The following IRX2 variants were observed in gnomAD, a reference collection of about 807,000 sequenced individuals.
IRX2 encodes the protein iroquois-class homeodomain protein IRX-2.
A neutral mutation model predicts 42.9 loss-of-function variants in IRX2; 26 were observed. The ratio of observed to expected loss-of-function variants is 0.61; its 90% confidence interval spans 0.44 to 0.84. The LOEUF (loss-of-function observed/expected upper bound fraction) is 0.84, where lower values mean the gene tolerates loss of function less well. Among genes scored for constraint, IRX2 ranks in the 40% least tolerant of loss-of-function variants. IRX2 has a pLI of 0.00. For synonymous variants in IRX2, 424 were observed against 353.9 expected, an observed-to-expected ratio of 1.20 and a Z score of -2.22; for missense variants, 782 against 713.9, an observed-to-expected ratio of 1.10 and a Z score of -1.09.
At position 2,749,009 on chromosome 5, in the gene IRX2, C is replaced by G. The variant is rs771883170; in HGVS notation, c.699G>C (p.Ser233=). ...HVDSLTDHSC[S]AESDGEKLPC... The stretch of plus-strand genomic sequence containing the variant: ...GAAGCTTCTCCCCGTCCGACTCGGC[C>G]GAGCACGAGTGATCCGTGAGCGAGT... Residue 233 remains serine (S), a synonymous_variant, in exon 3 of 4, where the codon TCG becomes TCC. Transcript: ENST00000302057. The G allele has an allele frequency of 6.9e-6, 11 of 1,597,324 alleles. No individual in the cohort carries two copies. Among genetic ancestry groups the G allele is most frequent in the Non-Finnish European group, 9.3e-6 (11 of 1,179,376 alleles).
At position 2,749,586 on chromosome 5, in the gene IRX2, C is replaced by G; in HGVS notation, c.451G>C (p.Ala151Pro). Residue 151 changes from alanine to proline, a missense_variant, in exon 2 of 4, where the codon GCC (alanine) becomes CCC (proline). By Grantham distance (27) the Ala-to-Pro change is conservative. Around this residue, in one of 3 missense-constraint regions of IRX2, gnomAD observed 256 missense variants for 250.0 expected, o/e 1.02. Transcript: ENST00000302057. ...YPTKGEKIML[A>P]IITKMTLTQV... ...GTGAGGGTCATCTTGGTGATGATGG[C>G]TAGCATGATCTTCTCGCCCTTGGTG... The G allele has an allele frequency of 1.2e-6, 2 of 1,614,212 alleles. No homozygotes were observed. The highest frequency in any genetic ancestry group is 1.7e-6 in the Non-Finnish European group (2 of 1,180,038).
chr5:2,750,135 A>G (rs1183048731), intron 1 of IRX2, among the ~76,000 whole-genome samples: 3 of 152,080 alleles, frequency 2.0e-5, no homozygotes, highest in Admixed American at 2.0e-4. Context: ...AAATTTCTGC[A>G]GATGCTTGGA....
At chr5:2,750,548 C>T (rs1435973926) in intron 1 of IRX2, among the ~76,000 whole-genome samples, 1 of 152,232 alleles carries the variant, frequency 6.6e-6, no homozygotes, top group Non-Finnish European at 1.5e-5. Context: ...CCACGGAGGA[C>T]TCAGGCGGCC....
In IRX2 at chr5:2,751,550, T is replaced by G; in HGVS notation, c.-137A>C. On this transcript the variant is annotated 5_prime_UTR_variant, in exon 1 of 4. Transcript: ENST00000302057. The surrounding 1 kb of genome is among the most constrained non-coding windows in gnomAD (Gnocchi z 4.0). ...GGCGGAGGCAGGCCGGCCCGGGTAC[T>G]AGCCTGGGCGGCCCGCGGGCCGGGG... 2.3e-6 allele frequency: 1 copy of G among 431,214 alleles called. No individual in the cohort carries two copies. Among genetic ancestry groups the G allele is most frequent in the Non-Finnish European group, 3.0e-6 (1 of 329,124 alleles). 26.7% of individuals were successfully genotyped at this position (431,214 alleles called of 1,614,324 possible).
intron 2 of IRX2, 59 bp downstream of exon 2, chr5:2,749,323 C>T (rs1434208673): frequency 6.5e-7 from 1 of 1,537,790 alleles, no homozygotes; most frequent in Admixed American, 2.1e-5. Context: ...CGCCTTAGCT[C>T]TGCGCCCCGC....
downstream of IRX2, among the ~76,000 whole-genome samples, chr5:2,742,856 T>C (rs1474107927): frequency 6.6e-6 from 1 of 152,212 alleles, no homozygotes; most frequent in Non-Finnish European, 1.5e-5. Context: ...AGTGGTAGTT[T>C]AGTATGTACA....
At position 2,747,245 on chromosome 5, in the gene IRX2, T is replaced by G. The variant is rs997868030; in HGVS notation, c.*319A>C. On this transcript the variant is annotated 3_prime_UTR_variant, in exon 4 of 4. Coordinates refer to ENST00000302057, the MANE Select transcript of IRX2 (RefSeq NM_033267.5). ...GTAGTGTGTAATATATATATACACA[T>G]GTACTATATATATACATGTACTATA... The G allele has an allele frequency of 1.8e-5, 3 of 167,194 alleles. No homozygotes were observed. Among genetic ancestry groups the G allele is most frequent in the Non-Finnish European group, 2.6e-5 (2 of 78,246 alleles). The allele number at this position is 167,194 out of a possible 1,614,324, so 10.4% of individuals were successfully genotyped here. A position where few individuals can be genotyped will look rare whatever the true frequency, so the allele number is the denominator to read the frequency against.
rs1193372697 is a variant in IRX2 at position 2,751,291 on chromosome 5, C to G, written c.123G>C (p.Ser41=). 30 of 1,431,924 alleles carry G rather than the reference C, an allele frequency of 2.1e-5. No homozygotes were observed. The highest frequency in any genetic ancestry group is 2.7e-5 in the Non-Finnish European group (29 of 1,093,010). 88.7% of individuals were successfully genotyped at this position (1,431,924 alleles called of 1,614,324 possible). A position where few individuals can be genotyped will look rare whatever the true frequency, so the allele number is the denominator to read the frequency against. Residue 41 remains serine (S), a synonymous_variant, in exon 1 of 4, where the codon TCG becomes TCC. Coordinates refer to ENST00000302057, the MANE Select transcript of IRX2 (RefSeq NM_033267.5). The surrounding 1 kb of genome is among the most constrained non-coding windows in gnomAD (Gnocchi z 4.0). ...CCGGGTAGGGGCTGAACGCCGAGCC[C>G]GACGCCGAGCGCGCCAGCTCCTCGC... The part of the protein sequence containing the change: ...PRSEELARSA[S]GSAFSPYPGS...
chr5:2,747,576 C>A lies in IRX2; in HGVS notation c.1404G>T (p.Gln468His), dbSNP rs1418966314. ...EGCTVVGGGV[Q>H]PYL is the part of the protein sequence containing the mutation. ...GTGCTCGGCCCTTCTATAGGTAGGG[C>A]TGGACGCCCCCGCCAACCACGGTGC... Residue 468 changes from glutamine (Q) to histidine (H), a missense_variant, in exon 4 of 4, where the codon CAG becomes CAT. Physicochemically the swap from Gln to His is conservative, Grantham distance 24 (BLOSUM62 0). Transcript: ENST00000302057. 1.2e-6 allele frequency: 2 copies of A among 1,613,958 alleles called. No homozygotes were observed. The highest frequency in any genetic ancestry group is 8.5e-7 in the Non-Finnish European group (1 of 1,179,978).
chr5:2,750,996 C>A (rs2111453895), intron 1 of IRX2, among the ~76,000 whole-genome samples, 169 bp downstream of exon 1: 1 of 151,670 alleles, frequency 6.6e-6, no homozygotes, highest in Non-Finnish European at 1.5e-5. Flanking sequence ...CCTCCCCACC[C>A]GGGGCCCGGC....
chr5:2,744,542 G>T (rs1459743427), downstream of IRX2, among the ~76,000 whole-genome samples: 2 of 152,166 alleles, frequency 1.3e-5, no homozygotes, highest in Non-Finnish European at 2.9e-5. Context: ...GTCTATGAAG[G>T]TTTTATTTCT....
rs1249230524 is a variant in IRX2, at chr5:2,748,680, G to C, written c.1028C>G (p.Pro343Arg). The change falls in exon 3 of 4, where the codon CCG becomes CGG. Residue 343 changes from proline (P) to arginine (R), a missense_variant. Pro to Arg is a moderately radical substitution (Grantham distance 103). Coordinates refer to ENST00000302057, the MANE Select transcript of IRX2 (RefSeq NM_033267.5). ...AEIATSDLKQ[P>R]SLGPGCGPPG... is the part of the protein sequence containing the mutation. ...TGGCCCGCAGCCCGGGCCCAGGCTC[G>C]GCTGCTTGAGGTCCGACGTGGCGAT... The C allele has an allele frequency of 2.2e-5, 30 of 1,393,776 alleles. No individual in the cohort carries two copies. Among genetic ancestry groups the C allele is most frequent in the Non-Finnish European group, 2.7e-5 (29 of 1,074,722 alleles). The allele number at this position is 1,393,776 out of a possible 1,614,324, so 86.3% of individuals were successfully genotyped here.
Position 2,749,376 on chromosome 5 carries a change from G to T in IRX2, c.655+6C>A. The T allele has an allele frequency of 6.3e-7, 1 of 1,588,948 alleles. No individual in the cohort carries two copies. The highest frequency in any genetic ancestry group is 8.6e-7 in the Non-Finnish European group (1 of 1,168,142). On this transcript the variant is annotated splice_donor_region_variant and intron_variant, in intron 2 of 3. Coordinates refer to ENST00000302057, the MANE Select transcript of IRX2 (RefSeq NM_033267.5). ...CGAGACCTTGCGCCGGCCGCTGCCC[G>T]CTCACCTTCGTCCTCTGCCGAGGTC...
chr5:2,751,422 CG>C lies in IRX2; in HGVS notation c.-10del. The C allele has an allele frequency of 2.3e-6, 3 of 1,294,952 alleles. No individual in the cohort carries two copies. The highest frequency in any genetic ancestry group is 1.9e-5 in the South Asian group (1 of 52,864). 80.2% of individuals were successfully genotyped at this position (1,294,952 alleles called of 1,614,324 possible). On this transcript the variant is annotated 5_prime_UTR_variant, in exon 1 of 4. Coordinates refer to ENST00000302057, the MANE Select transcript of IRX2 (RefSeq NM_033267.5). The surrounding 1 kb of genome is among the most constrained non-coding windows in gnomAD (Gnocchi z 4.0). ...CCCTGCGGGTAGGACATGGTGGGCG[CG>C]GGGCGCGGGGCCCGCGTCACGCCGA...
At chr5:2,744,073 C>CGTGTGTGTGTGT (rs10547927), downstream of IRX2, among the ~76,000 whole-genome samples, 18 of 140,168 alleles carry the variant, frequency 1.3e-4, no homozygotes, top group South Asian at 2.5e-4. Flanking sequence ...AGAATGGAGT[C>CGTGTGTGTGTGT]GTGTGTGTGT....
chr5:2,740,774 C>G, the IRX2 span, among the ~76,000 whole-genome samples: 14 of 152,158 alleles, frequency 9.2e-5, no homozygotes, highest in Middle Eastern at 3.2e-3. Context: ...GCCGGGCCAG[C>G]GCCTCCAGCT....
chr5:2,742,506 A>G (rs919251176), downstream of IRX2, among the ~76,000 whole-genome samples: 2 of 152,226 alleles, frequency 1.3e-5, no homozygotes, highest in African/African-American at 2.4e-5. Flanking sequence ...CACATAGCAC[A>G]GACGGTTGTG....
rs1737780745 is a variant in IRX2 at position 2,748,595 on chromosome 5, GGGCGAGCCTCCT to G, written c.1101_1112del (p.Gly368_Pro371del). 1 of 1,546,414 alleles carries G rather than the reference GGGCGAGCCTCCT, an allele frequency of 6.5e-7. No homozygotes were observed. Among genetic ancestry groups the G allele is most frequent in the South Asian group, 1.2e-5 (1 of 84,766 alleles). On this transcript the variant is annotated inframe_deletion, in exon 3 of 4. Coordinates refer to ENST00000302057, the MANE Select transcript of IRX2 (RefSeq NM_033267.5). ...GGCCCAGCAGCGGCGAGGCAGGGTA[GGGCGAGCCTCCT>G]GGCGGTGCCCCGGTTGAGGCCGGCG...
Position 2,748,638 on chromosome 5 carries a change from G to T in IRX2, c.1070C>A (p.Ala357Asp), listed in dbSNP as rs575915597. The T allele has an allele frequency of 9.1e-6, 13 of 1,422,198 alleles. No homozygotes were observed. The South Asian group carries it at 1.8e-4, about 20-fold the overall frequency. 88.1% of individuals were successfully genotyped at this position (1,422,198 alleles called of 1,614,324 possible). Residue 357 changes from alanine (A) to aspartate (D), a missense_variant, in exon 3 of 4, where the codon GCC becomes GAC. Ala to Asp is a moderately radical substitution (Grantham distance 126, BLOSUM62 -2). Around this residue, in one of 3 missense-constraint regions of IRX2, gnomAD observed 520 missense variants for 437.8 expected, o/e 1.19. Transcript: ENST00000302057. ...TGCCCCGGTTGAGGCCGGCGCGGCGGCCGCGGGCAGCCCCGGTGGCCCGCA... is the reference window on the plus strand; with the variant it reads ...TGCCCCGGTTGAGGCCGGCGCGGCGTCCGCGGGCAGCCCCGGTGGCCCGCA... ...PGCGPPGLPA[A>D]AAPASTGAPP...
Sources: allele counts gnomAD v4.1 joint callset (sites outside exome capture counted in the v4.1 genomes callset), GRCh38; gene constraint gnomAD v4.1.1; regional missense constraint gnomAD v4.1.1; non-coding constraint Gnocchi (gnomAD v3.1); transcripts MANE v1.5; gene names NCBI Gene and HGNC (gene_info 2026-07-23, HGNC 2026-07-21).